Variants in FAM135B observed in about 807,000 individuals in gnomAD.
FAM135B encodes the protein protein FAM135B.
In FAM135B, 43 loss-of-function variants were observed where a neutral mutation model predicts 127.7. The ratio of observed to expected loss-of-function variants is 0.34; its 90% confidence interval spans 0.26 to 0.43. The LOEUF is 0.43. Among genes scored for constraint, FAM135B ranks in the 20% least tolerant of loss-of-function variants. The pLI, the probability that FAM135B is intolerant of heterozygous loss-of-function variation, is 1.00. For missense variants in FAM135B, 1,558 were observed against 1,725.6 expected (o/e 0.90, Z 1.72); for synonymous variants, 670 against 665.1 (o/e 1.01, Z -0.11).
intron 9 of FAM135B, among the ~76,000 whole-genome samples, chr8:138,184,569 G>A (rs1450987264): frequency 6.6e-6 from 1 of 152,184 alleles, no homozygotes; most frequent in African/African-American, 2.4e-5. Flanking sequence ...CATGGGACGG[G>A]CCATAGGAAG....
chr8:138,475,052 T>C (rs929662257), intron 1 of FAM135B, among the ~76,000 whole-genome samples: 2 of 152,050 alleles, frequency 1.3e-5, no homozygotes, highest in Admixed American at 6.5e-5. Flanking sequence ...TTTGTAACAT[T>C]TGCTGTTTTT....
At chr8:138,186,794 G>T (rs1009578642) in intron 9 of FAM135B, among the ~76,000 whole-genome samples, 1 of 152,184 alleles carries the variant, frequency 6.6e-6, no homozygotes, top group Non-Finnish European at 1.5e-5. Context: ...AAATATACTT[G>T]ATCAAGTCAT....
chr8:138,196,770 A>C (rs1476291928), intron 8 of FAM135B, among the ~76,000 whole-genome samples: 1 of 152,158 alleles, frequency 6.6e-6, no homozygotes, highest in Non-Finnish European at 1.5e-5. Flanking sequence ...GCAGAGCCAG[A>C]ACATATCACC....
At chr8:138,307,917 G>A (rs149493513) in intron 3 of FAM135B, among the ~76,000 whole-genome samples, 21 of 151,690 alleles carry the variant, frequency 1.4e-4, no homozygotes, top group South Asian at 8.3e-4. Context: ...CTTTTTTCCC[G>A]TCAGAAATGC....
intron 1 of FAM135B, among the ~76,000 whole-genome samples, chr8:138,402,176 C>T (rs1463371949): frequency 6.7e-6 from 1 of 150,360 alleles, no homozygotes; most frequent in Non-Finnish European, 1.5e-5. Flanking sequence ...TAGAAATCCG[C>T]AGACTCAGCA....
At chr8:138,337,760 T>C (rs1229545569) in intron 2 of FAM135B, among the ~76,000 whole-genome samples, 1 of 152,148 alleles carries the variant, frequency 6.6e-6, no homozygotes, top group South Asian at 2.1e-4. Context: ...AAAAACTACT[T>C]TAAAGTTCAT....
At chr8:138,294,045 A>C (rs1586989081) in intron 3 of FAM135B, among the ~76,000 whole-genome samples, 1 of 152,294 alleles carries the variant, frequency 6.6e-6, no homozygotes, top group South Asian at 2.1e-4. Context: ...CTATATCCAC[A>C]CCATGGAATA....
At position 138,152,928 on chromosome 8, in the gene FAM135B, T is replaced by G. The variant is rs772493563; in HGVS notation, c.1547A>C (p.Asp516Ala). The G allele has an allele frequency of 6.2e-7, 1 of 1,614,120 alleles. No individual in the cohort carries two copies. Among genetic ancestry groups the G allele is most frequent in the African/African-American group, 1.3e-5 (1 of 74,942 alleles). The change falls in exon 13 of 20, where the codon GAT (aspartate) becomes GCT (alanine). Residue 516 changes from aspartate to alanine, a missense_variant. Physicochemically the swap from Asp to Ala is moderately radical, Grantham distance 126. This residue lies in a region of FAM135B where 923 missense variants were observed against 865.3 expected (regional missense o/e 1.07). Transcript: ENST00000395297. ...AGATGTTTGGCCAGTCCAACATTCATCTTCAGGCACACCTGCTTTGTTTTG... is the reference window on the plus strand; with the variant it reads ...AGATGTTTGGCCAGTCCAACATTCAGCTTCAGGCACACCTGCTTTGTTTTG... ...EFQNKAGVPE[D>A]ECWTGQTSDA...
chr8:138,130,631 G>C lies in FAM135B; in HGVS notation c.*1962C>G, dbSNP rs1816141376. On this transcript the variant is annotated 3_prime_UTR_variant, in exon 20 of 20. Transcript: ENST00000395297. ...ATGAAATGCACTCATCAGAGGGACA[G>C]GGCCCATCATTTGGCCAGAAAGGAG... 1 of 152,258 alleles carries C rather than the reference G, an allele frequency of 6.6e-6. No individual in the cohort carries two copies. The highest frequency in any genetic ancestry group is 1.5e-5 in the Non-Finnish European group (1 of 68,098). The allele number at this position is 152,258 out of a possible 1,614,324, so 9.4% of individuals were successfully genotyped here. A position where few individuals can be genotyped will look rare whatever the true frequency, so the allele number is the denominator to read the frequency against.
intron 1 of FAM135B, among the ~76,000 whole-genome samples, chr8:138,417,209 C>A (rs1834214154): frequency 6.6e-6 from 1 of 152,164 alleles, no homozygotes; most frequent in East Asian, 1.9e-4. Context: ...TGGGAGGGGG[C>A]CAGTCTGATC....
At chr8:138,494,335 G>C (rs1204878794) in intron 1 of FAM135B, among the ~76,000 whole-genome samples, 1 of 152,200 alleles carries the variant, frequency 6.6e-6, no homozygotes, top group East Asian at 1.9e-4. Flanking sequence ...GCTGCACCAG[G>C]TGCTGCAGCC....
chr8:138,189,390 A>G (rs1815900297), intron 9 of FAM135B, among the ~76,000 whole-genome samples: 1 of 152,188 alleles, frequency 6.6e-6, no homozygotes, highest in Admixed American at 6.5e-5. Context: ...TTTTTCCTGG[A>G]TGCCAAACAA....
intron 3 of FAM135B, among the ~76,000 whole-genome samples, chr8:138,310,155 G>C (rs1826568959): frequency 6.6e-6 from 1 of 152,136 alleles, no homozygotes; most frequent in Non-Finnish European, 1.5e-5. Flanking sequence ...ATAGGCATGA[G>C]CCACTGCACT....
intron 5 of FAM135B, among the ~76,000 whole-genome samples, chr8:138,256,307 G>A (rs1373278843): frequency 6.6e-6 from 1 of 152,164 alleles, no homozygotes; most frequent in Non-Finnish European, 1.5e-5. Context: ...CAAAGATGTA[G>A]AATCCTGGAA....
At position 138,139,059 on chromosome 8, in the gene FAM135B, A is replaced by G. The variant is rs2130566018; in HGVS notation, c.3828T>C (p.Ser1276=). 6.2e-7 allele frequency: 1 copy of G among 1,613,934 alleles called. No homozygotes were observed. The highest frequency in any genetic ancestry group is 1.3e-5 in the African/African-American group (1 of 75,058). ...WLMQKLKKSG[S]LLQLTFRDNA... Reference sequence around the variant, plus strand: ...TATCCCTGAAGGTCAGCTGCAGTAGAGACCCGGATTTCTTCAGTTTCTGCA... The same window carrying G: ...TATCCCTGAAGGTCAGCTGCAGTAGGGACCCGGATTTCTTCAGTTTCTGCA... Residue 1276 remains serine, a synonymous_variant, in exon 18 of 20, where the codon TCT becomes TCC. Coordinates refer to ENST00000395297, the MANE Select transcript of FAM135B (RefSeq NM_015912.4).
At chr8:138,200,834 C>A (rs1225361590) in intron 7 of FAM135B, among the ~76,000 whole-genome samples, 1 of 152,202 alleles carries the variant, frequency 6.6e-6, no homozygotes, top group African/African-American at 2.4e-5. Flanking sequence ...TTAGATCAAA[C>A]AATAATAATA....
At position 138,411,444 on chromosome 8, in the gene FAM135B, T is replaced by C. The variant is rs1245409289; in HGVS notation, c.-19-43442A>G. ...AACTGGCTAGCCATATGTAGAAAGC[T>C]GAAACTGGATCCCTTCCTTACACCT... On this transcript the variant is annotated intron_variant, in intron 1 of 19. Coordinates refer to ENST00000395297, the MANE Select transcript of FAM135B (RefSeq NM_015912.4). 9.2e-5 allele frequency among the ~76,000 whole-genome samples: 14 copies of C among 152,210 alleles called. No homozygotes were observed. In the East Asian group the frequency reaches 2.5e-3, roughly 27 times the overall value.
intron 1 of FAM135B, among the ~76,000 whole-genome samples, chr8:138,424,624 C>T (rs145235945): frequency 1.2e-4 from 19 of 152,252 alleles, no homozygotes; most frequent in Admixed American, 1.1e-3. Context: ...AAAATTATGG[C>T]TCTGTCAGGT....
At chr8:138,351,513 C>T (rs954765718) in intron 2 of FAM135B, among the ~76,000 whole-genome samples, 1 of 152,004 alleles carries the variant, frequency 6.6e-6, no homozygotes, top group Admixed American at 6.6e-5. Context: ...AACGGATCCT[C>T]GCAGTCCTGA....
Sources: allele counts gnomAD v4.1 joint callset (sites outside exome capture counted in the v4.1 genomes callset), GRCh38; gene constraint gnomAD v4.1.1; regional missense constraint gnomAD v4.1.1; transcripts MANE v1.5; gene names NCBI Gene and HGNC (gene_info 2026-07-23, HGNC 2026-07-21).